Variants in KCNN3 observed in about 807,000 individuals in gnomAD.
KCNN3 encodes the protein potassium calcium-activated channel subfamily N member 3.
KCNN3 carries 16 observed loss-of-function variants against 62.9 expected under a neutral mutation model. That is an observed-to-expected ratio of 0.25 (90% CI 0.17 to 0.39). KCNN3 has a LOEUF of 0.39. Among genes scored for constraint, KCNN3 ranks in the 10% least tolerant of loss-of-function variants. The pLI is 1.00. For missense variants in KCNN3, 599 were observed against 949.4 expected, an observed-to-expected ratio of 0.63 and a Z score of 4.85; for synonymous variants, 370 against 389.2, an observed-to-expected ratio of 0.95 and a Z score of 0.58.
intron 2 of KCNN3, among the ~76,000 whole-genome samples, chr1:154,798,724 T>C (rs953498871): frequency 6.6e-6 from 1 of 152,224 alleles, no homozygotes; most frequent in African/African-American, 2.4e-5. Flanking sequence ...ACACTGTACC[T>C]ACTTTGCAGA....
intron 2 of KCNN3, among the ~76,000 whole-genome samples, chr1:154,780,275 T>C (rs1198269127): frequency 6.7e-6 from 1 of 150,318 alleles, no homozygotes; most frequent in Non-Finnish European, 1.5e-5. Flanking sequence ...CCATTCTATT[T>C]TGAAAGACTT....
At chr1:154,752,209 G>C (rs2101814965) in intron 3 of KCNN3, among the ~76,000 whole-genome samples, 1 of 152,284 alleles carries the variant, frequency 6.6e-6, no homozygotes, top group East Asian at 1.9e-4. Context: ...CTTTTATCCA[G>C]TGCGTGATTT....
chr1:154,771,945 T>C, intron 3 of KCNN3, 30 bp downstream of exon 3: 1 of 1,608,996 alleles, frequency 6.2e-7, no homozygotes, highest in Non-Finnish European at 8.5e-7. Context: ...CAGCACAGGC[T>C]CTGTACTCAG....
At chr1:154,753,940 A>G (rs1647510201) in intron 3 of KCNN3, among the ~76,000 whole-genome samples, 1 of 152,332 alleles carries the variant, frequency 6.6e-6, no homozygotes, top group South Asian at 2.1e-4. Flanking sequence ...AGGATCGCAC[A>G]GCTGGTCCGT....
intron 6 of KCNN3, among the ~76,000 whole-genome samples, chr1:154,714,292 T>C (rs1411781776): frequency 9.4e-6 from 1 of 106,760 alleles, no homozygotes; most frequent in East Asian, 3.1e-4. Flanking sequence ...GTGTGTGGTG[T>C]GTATGGTGTG....
chr1:154,780,596 TTA>T (rs375053074), intron 2 of KCNN3, among the ~76,000 whole-genome samples: 51 of 146,150 alleles, frequency 3.5e-4, no homozygotes, highest in Non-Finnish European at 4.5e-4. Flanking sequence ...GTTTTATATT[TTA>T]TATATATATA....
chr1:154,806,138 G>A (rs1011105664), intron 2 of KCNN3, among the ~76,000 whole-genome samples: 1 of 152,200 alleles, frequency 6.6e-6, no homozygotes, highest in African/African-American at 2.4e-5. Context: ...ATGGGTAGGA[G>A]AAGTGGAAGG....
At chr1:154,859,684 A>T (rs777735549) in intron 1 of KCNN3, 3 of 1,613,948 alleles carry the variant, frequency 1.9e-6, no homozygotes, top group Non-Finnish European at 2.5e-6. Context: ...TAACCTGGGC[A>T]GGGCACCCAC....
chr1:154,864,869 G>A (rs947177169), intron 1 of KCNN3, among the ~76,000 whole-genome samples: 2 of 152,136 alleles, frequency 1.3e-5, no homozygotes, highest in Non-Finnish European at 2.9e-5. Context: ...TTTCAAGGCC[G>A]GGCATGGGGA....
chr1:154,837,090 C>G (rs1370170840), intron 1 of KCNN3, among the ~76,000 whole-genome samples: 1 of 150,478 alleles, frequency 6.6e-6, no homozygotes, highest in Non-Finnish European at 1.5e-5. Flanking sequence ...TTGCTTAGAA[C>G]CCATTGTTTA....
At chr1:154,753,935 C>T (rs1291830885) in intron 3 of KCNN3, among the ~76,000 whole-genome samples, 1 of 152,192 alleles carries the variant, frequency 6.6e-6, no homozygotes, top group Non-Finnish European at 1.5e-5. Context: ...TGCCCAGGAT[C>T]GCACAGCTGG....
intron 3 of KCNN3, among the ~76,000 whole-genome samples, chr1:154,763,561 A>C (rs1012323485): frequency 1.3e-5 from 2 of 152,216 alleles, no homozygotes; most frequent in Non-Finnish European, 2.9e-5. Flanking sequence ...GATGTTTTTC[A>C]TCTGAGTACA....
At chr1:154,754,292 G>A (rs1165772806) in intron 3 of KCNN3, among the ~76,000 whole-genome samples, 1 of 152,154 alleles carries the variant, frequency 6.6e-6, no homozygotes, top group Non-Finnish European at 1.5e-5. Context: ...AGCAGGAAGA[G>A]ATGACTTCAA....
intron 1 of KCNN3, among the ~76,000 whole-genome samples, chr1:154,861,409 C>T (rs1652766976): frequency 6.6e-6 from 1 of 152,134 alleles, no homozygotes; most frequent in Admixed American, 6.5e-5. Context: ...GTGTTCACTG[C>T]CTGCCCAAAG....
rs1650002926 is a variant in KCNN3, at chr1:154,802,544, T to C, written c.1029+19545A>G. Among the ~76,000 whole-genome samples the C allele has an allele frequency of 3.9e-5, 6 of 152,254 alleles. 2 individuals are homozygous for C. Among genetic ancestry groups the C allele is most frequent in the Admixed American group, 3.9e-4 (6 of 15,300 alleles). ...GTCCAAGCTCAGGGGCTCAGCATTA[T>C]CCAGAAATCACCAGATGGTAAGAAA... On this transcript the variant is annotated intron_variant, in intron 2 of 7. Transcript: ENST00000271915.
chr1:154,757,750 A>G (rs765799911), intron 3 of KCNN3, among the ~76,000 whole-genome samples: 1 of 152,148 alleles, frequency 6.6e-6, no homozygotes, highest in Non-Finnish European at 1.5e-5. Context: ...AGTGAGCGAG[A>G]GGGTGGAGTC....
chr1:154,828,185 T>C (rs1349966948), intron 1 of KCNN3, among the ~76,000 whole-genome samples: 1 of 151,866 alleles, frequency 6.6e-6, no homozygotes, highest in Non-Finnish European at 1.5e-5. Context: ...AGTGAATGCC[T>C]GGCCTGGACA....
At chr1:154,715,062 G>T in intron 5 of KCNN3, 59 bp from the exon 6 acceptor site, 1 of 1,602,258 alleles carries the variant, frequency 6.2e-7, no homozygotes, top group Non-Finnish European at 8.5e-7. Flanking sequence ...GTTCATTTTT[G>T]TGGTTGCTAC....
At position 154,723,887 on chromosome 1, in the gene KCNN3, C is replaced by A. The variant is rs1700407821; in HGVS notation, c.1701+2029G>T. On this transcript the variant is annotated intron_variant, in intron 5 of 7. Transcript: ENST00000271915. The stretch of plus-strand genomic sequence containing the variant: ...CTTGAATAATTTCCTCAATACTGAG[C>A]ATGACTTTTGCACCCATTATTAGAG... 2.0e-5 allele frequency among the ~76,000 whole-genome samples: 3 copies of A among 152,122 alleles called. No individual in the cohort carries two copies. The South Asian group carries it at 6.2e-4, about 32-fold the overall frequency.
Sources: allele counts gnomAD v4.1 joint callset (sites outside exome capture counted in the v4.1 genomes callset), GRCh38; gene constraint gnomAD v4.1.1; transcripts MANE v1.5; gene names NCBI Gene and HGNC (gene_info 2026-07-23, HGNC 2026-07-21).